CDH23: variants seen among roughly 807,000 people sequenced by gnomAD.
CDH23 encodes cadherin related 23, also known as cadherin-23.
Under a neutral mutation model 317.1 loss-of-function variants are expected in CDH23, and 189 were observed. The ratio of observed to expected loss-of-function variants is 0.60; its 90% CI spans 0.53 to 0.67. The LOEUF (loss-of-function observed/expected upper bound fraction) is 0.67. Ranked by LOEUF, CDH23 falls within the 30% of genes least tolerant of loss-of-function variation. The pLI is 0.00. For missense variants in CDH23, 4,401 were observed against 4,592.4 expected (o/e 0.96, Z 1.20); for synonymous variants, 1,839 against 1,876.8 (o/e 0.98, Z 0.52).
At chr10:71,578,973 C>A (rs1858435057) in intron 9 of CDH23, among the ~76,000 whole-genome samples, 1 of 152,176 alleles carries the variant, frequency 6.6e-6, no homozygotes, top group Non-Finnish European at 1.5e-5. Context: ...AGGATGGAGT[C>A]TACTGTGCCA....
At chr10:71,503,738 T>G (rs1853473150) in intron 3 of CDH23, among the ~76,000 whole-genome samples, 1 of 152,190 alleles carries the variant, frequency 6.6e-6, no homozygotes, top group Non-Finnish European at 1.5e-5. Flanking sequence ...TCTCTTTAGC[T>G]AGACTCTGCT....
At chr10:71,549,433 C>T (rs557487252) in intron 6 of CDH23, among the ~76,000 whole-genome samples, 78 of 152,368 alleles carry the variant, frequency 5.1e-4, no homozygotes, top group African/African-American at 1.9e-3. Flanking sequence ...TACTGGATCT[C>T]TTGACCACTG....
At chr10:71,555,361 G>A (rs756309005) in intron 6 of CDH23, among the ~76,000 whole-genome samples, 2 of 152,174 alleles carry the variant, frequency 1.3e-5, no homozygotes, top group East Asian at 3.8e-4. Flanking sequence ...ACAGCCCTTA[G>A]CCCACTGCTG....
At chr10:71,727,180 A>G (rs1387285737) in intron 30 of CDH23, among the ~76,000 whole-genome samples, 2 of 152,246 alleles carry the variant, frequency 1.3e-5, no homozygotes, top group Admixed American at 6.5e-5. Context: ...CATCTTACAG[A>G]TGACAAGACT....
chr10:71,555,575 G>A (rs1166737318), intron 6 of CDH23, among the ~76,000 whole-genome samples: 1 of 152,178 alleles, frequency 6.6e-6, no homozygotes, highest in Non-Finnish European at 1.5e-5. Context: ...AGAAGATGCA[G>A]GGGGAGCCTG....
At chr10:71,779,511 A>G in intron 41 of CDH23, 64 bp downstream of exon 41, 2 of 1,407,542 alleles carry the variant, frequency 1.4e-6, no homozygotes, top group Admixed American at 2.4e-5. Flanking sequence ...AGGGGAGGAT[A>G]AGAAGGGAGG....
intron 14 of CDH23, among the ~76,000 whole-genome samples, chr10:71,654,152 C>G (rs1863309352): frequency 1.3e-5 from 2 of 152,220 alleles, no homozygotes. Flanking sequence ...ACGATAGTTG[C>G]TGCCAGGTGT....
Position 71,667,359 on chromosome 10 carries a change from A to AGTGTGT in CDH23, c.1450-7721_1450-7716dup, listed in dbSNP as rs67337082. Among the ~76,000 whole-genome samples the AGTGTGT allele has an allele frequency of 7.8e-3, 873 of 112,014 alleles. 7 individuals are homozygous for AGTGTGT. Among genetic ancestry groups the AGTGTGT allele is most frequent in the African/African-American group, 0.015 (385 of 24,916 alleles). 73.5% of individuals were successfully genotyped at this position (112,014 alleles called of 152,430 possible). A position where few individuals can be genotyped will look rare whatever the true frequency, so the allele number is the denominator to read the frequency against. On this transcript the variant is annotated intron_variant, in intron 14 of 69. Coordinates refer to ENST00000224721, the MANE Select transcript of CDH23 (RefSeq NM_022124.6). ...GCTTGAGGCAGAGAAAGAGAGAGAGAGTGTGTGTGTGTGTGTGTGTGTGTG... is the reference window on the plus strand; with the variant it reads ...GCTTGAGGCAGAGAAAGAGAGAGAGAGTGTGTGTGTGTGTGTGTGTGTGTGTGTGTG...
chr10:71,812,402 A>G, intron 66 of CDH23, 78 bp from the exon 67 acceptor site: 1 of 1,607,874 alleles, frequency 6.2e-7, no homozygotes, highest in South Asian at 1.1e-5. Context: ...AATGGGCAGG[A>G]TGTGGGGTGA....
In CDH23 at chr10:71,679,845, C is replaced by T. The variant is rs186884230; in HGVS notation, c.1858+353C>T. Among the ~76,000 whole-genome samples the T allele has an allele frequency of 3.4e-3, 517 of 152,326 alleles. 1 individual carries two copies. Among genetic ancestry groups the T allele is most frequent in the Non-Finnish European group, 5.3e-3 (362 of 68,030 alleles). On this transcript the variant is annotated intron_variant, in intron 17 of 69. Transcript: ENST00000224721. ...GAAGCTCTTTAGCCAAGACTCCCTA[C>T]TTTTTGGGCGGCCGTGTGGGACCAG...
chr10:71,717,149 T>A (rs1314356252), intron 28 of CDH23: 2 of 152,234 alleles, frequency 1.3e-5, no homozygotes, highest in African/African-American at 2.4e-5. Flanking sequence ...GATTTGGCAT[T>A]AGGGAGCCAG....
chr10:71,475,295 T>A (rs555940604), intron 3 of CDH23, among the ~76,000 whole-genome samples: 58 of 152,302 alleles, frequency 3.8e-4, no homozygotes, highest in Non-Finnish European at 7.8e-4. Context: ...ACCTCCCAAG[T>A]GTGAGCATCA....
At position 71,687,640 on chromosome 10, in the gene CDH23, C is replaced by T. The variant is rs1220912680; in HGVS notation, c.1987-7C>T. 1.9e-6 allele frequency: 3 copies of T among 1,613,710 alleles called. No homozygotes were observed. The highest frequency in any genetic ancestry group is 2.5e-6 in the Non-Finnish European group (3 of 1,179,850). On this transcript the variant is annotated splice_region_variant and splice_polypyrimidine_tract_variant and intron_variant, in intron 18 of 69. Coordinates refer to ENST00000224721, the MANE Select transcript of CDH23 (RefSeq NM_022124.6). ...AGCCTCCTGCAACCTGTCTGTGTTC[C>T]TTCCAGGATGAGAATGACAACCCTC...
chr10:71,400,948 G>C (rs1847752452), intron 1 of CDH23, among the ~76,000 whole-genome samples: 1 of 152,166 alleles, frequency 6.6e-6, no homozygotes, highest in Non-Finnish European at 1.5e-5. Context: ...TTCAAATTCA[G>C]TTTTAGTTGT....
At chr10:71,566,973 G>A in intron 7 of CDH23, 37 bp downstream of exon 7, 2 of 1,593,366 alleles carry the variant, frequency 1.3e-6, no homozygotes, top group Non-Finnish European at 1.7e-6. Context: ...CGTCCCAGCT[G>A]CCTCTTCCCA....
chr10:71,546,168 C>T (rs1223038952), intron 6 of CDH23, among the ~76,000 whole-genome samples: 1 of 151,968 alleles, frequency 6.6e-6, no homozygotes, highest in South Asian at 2.1e-4. Context: ...TCTCAAAGCC[C>T]CTCCGCCTCT....
intron 17 of CDH23, among the ~76,000 whole-genome samples, chr10:71,680,477 G>A (rs906317868): frequency 3.3e-5 from 5 of 152,150 alleles, no homozygotes; most frequent in African/African-American, 1.2e-4. Flanking sequence ...GACCAGCGCG[G>A]TGGCTCACGT....
At chr10:71,629,870 G>T (rs1219505113) in intron 11 of CDH23, among the ~76,000 whole-genome samples, 1 of 152,102 alleles carries the variant, frequency 6.6e-6, no homozygotes, top group East Asian at 1.9e-4. Flanking sequence ...ATTTGTGGGG[G>T]ACACAAAAAT....
At chr10:71,552,579 G>A (rs66812897) in intron 6 of CDH23, among the ~76,000 whole-genome samples, 24,551 of 152,204 alleles carry the variant, frequency 0.16, 2,675 homozygotes, top group East Asian at 0.38. Context: ...GCTTCAGAAC[G>A]TGCTGCCTTT....
Sources: gnomAD v4.1 joint callset for allele counts (sites outside exome capture counted in the v4.1 genomes callset) on GRCh38, gnomAD v4.1.1 for gene constraint, MANE v1.5 for transcripts, NCBI Gene and HGNC (gene_info 2026-07-23, HGNC 2026-07-21) for gene names.